Variants in CELF2 observed in about 807,000 individuals in gnomAD.
CELF2 encodes the protein CUG triplet repeat RNA-binding protein 2.
CELF2 carries 8 observed loss-of-function variants against 62.6 expected under a neutral mutation model. The observed-to-expected ratio is 0.13, with a 90% CI of 0.07 to 0.23. The LOEUF is 0.23. Among genes scored for constraint, CELF2 ranks in the 10% least tolerant of loss-of-function variants. The pLI, the probability that CELF2 is intolerant of heterozygous loss-of-function variation, is 1.00. For missense variants in CELF2, 333 were observed against 671.0 expected (o/e 0.50, Z 5.56); for synonymous variants, 258 against 250.0 (o/e 1.03, Z -0.30).
chr10:10,686,304 A>ATT, the CELF2 span, among the ~76,000 whole-genome samples: 3,314 of 36,556 alleles, frequency 0.091, 318 homozygotes, highest in East Asian at 0.32. Flanking sequence ...GGGTTTTTGG[A>ATT]TTTTTTGGGG....
chr10:11,312,344 T>C (rs936533991), intron 9 of CELF2, among the ~76,000 whole-genome samples: 1 of 152,136 alleles, frequency 6.6e-6, no homozygotes, highest in Admixed American at 6.5e-5. Flanking sequence ...AAGGAAGTGG[T>C]AAATATGTGG....
chr10:10,981,822 T>C (rs748061353), intron 2 of CELF2, among the ~76,000 whole-genome samples: 5 of 152,194 alleles, frequency 3.3e-5, no homozygotes, highest in Non-Finnish European at 5.9e-5. Context: ...ATAATATAGT[T>C]CTCATTTTAA....
chr10:10,900,519 T>C (rs2062860937), intron 1 of CELF2, among the ~76,000 whole-genome samples: 1 of 152,020 alleles, frequency 6.6e-6, no homozygotes, highest in Non-Finnish European at 1.5e-5. Context: ...TCATTCTTGA[T>C]AAAGAATCTC....
At chr10:10,904,998 T>G (rs1386156059) in intron 1 of CELF2, among the ~76,000 whole-genome samples, 1 of 152,226 alleles carries the variant, frequency 6.6e-6, no homozygotes, top group Admixed American at 6.5e-5. Context: ...TTGATCATGA[T>G]TAGCTGTGTT....
chr10:10,470,859 C>T, the CELF2 span, among the ~76,000 whole-genome samples: 1 of 151,228 alleles, frequency 6.6e-6, no homozygotes, highest in Admixed American at 6.6e-5. Flanking sequence ...CATTCTTCTA[C>T]CTTCTGTGGT....
chr10:10,657,484 C>T, the CELF2 span, among the ~76,000 whole-genome samples: 2 of 151,860 alleles, frequency 1.3e-5, no homozygotes, highest in Non-Finnish European at 2.9e-5. Context: ...TTATATGGTA[C>T]GTGAATTGTA....
At chr10:11,195,498 G>T (rs908894692) in intron 2 of CELF2, among the ~76,000 whole-genome samples, 25 of 152,328 alleles carry the variant, frequency 1.6e-4, no homozygotes, top group Non-Finnish European at 2.9e-4. Flanking sequence ...CAGGCGGATG[G>T]CAGTGCTTCT....
the CELF2 span, among the ~76,000 whole-genome samples, chr10:10,762,633 G>A: frequency 1.4e-3 from 213 of 152,296 alleles, no homozygotes; most frequent in African/African-American, 5.0e-3. Context: ...GTAGTTCTCC[G>A]GTCTCAGGCT....
At chr10:11,106,124 C>T (rs1415818187) in intron 1 of CELF2, among the ~76,000 whole-genome samples, 2 of 152,118 alleles carry the variant, frequency 1.3e-5, no homozygotes, top group South Asian at 4.1e-4. Flanking sequence ...GAAGGTATTA[C>T]CCACTTTACA....
chr10:10,975,168 A>C (rs1233847743), intron 2 of CELF2, among the ~76,000 whole-genome samples: 1 of 152,168 alleles, frequency 6.6e-6, no homozygotes, highest in Non-Finnish European at 1.5e-5. Context: ...CCCAGTCTGC[A>C]GTGCAATGGT....
the CELF2 span, among the ~76,000 whole-genome samples, chr10:10,681,678 G>A: frequency 6.6e-6 from 1 of 152,120 alleles, no homozygotes; most frequent in Non-Finnish European, 1.5e-5. Context: ...GAGGCTAACA[G>A]GCTAGATTTG....
At chr10:11,277,182 C>T (rs2086454632) in intron 8 of CELF2, among the ~76,000 whole-genome samples, 1 of 152,178 alleles carries the variant, frequency 6.6e-6, no homozygotes, top group Admixed American at 6.5e-5. Context: ...AGTATTATGG[C>T]TTGGAGTACT....
At chr10:10,695,974 A>C in the CELF2 span, among the ~76,000 whole-genome samples, 4 of 151,708 alleles carry the variant, frequency 2.6e-5, 1 homozygote, top group Non-Finnish European at 5.9e-5. Context: ...AGCTCAGAGT[A>C]ATTTGATCAT....
chr10:10,780,700 C>G, the CELF2 span, among the ~76,000 whole-genome samples: 17 of 152,174 alleles, frequency 1.1e-4, no homozygotes, highest in African/African-American at 3.9e-4. Flanking sequence ...AGGATGGTCT[C>G]CATCTCTTGA....
chr10:10,963,419 C>G (rs1322136094), intron 2 of CELF2, among the ~76,000 whole-genome samples: 1 of 152,176 alleles, frequency 6.6e-6, no homozygotes, highest in Non-Finnish European at 1.5e-5. Context: ...AGGCTGTCAT[C>G]TTTAACCTGC....
rs147961606 is a variant in CELF2 at position 11,114,033 on chromosome 10, A to G, written c.75-51453A>G. On this transcript the variant is annotated intron_variant, in intron 1 of 12. Transcript: ENST00000633077. ...TTCAATTAAAGTAGTAATTGGGCAA[A>G]AACGGCTCATAACAAATCCAATTCT... 2.5e-3 allele frequency among the ~76,000 whole-genome samples: 387 copies of G among 152,314 alleles called. 2 individuals are homozygous for G. Among genetic ancestry groups the G allele is most frequent in the African/African-American group, 8.9e-3 (370 of 41,578 alleles).
chr10:10,728,543 C>T, the CELF2 span, among the ~76,000 whole-genome samples: 1 of 151,684 alleles, frequency 6.6e-6, no homozygotes, highest in Non-Finnish European at 1.5e-5. Context: ...GCATTTGGCA[C>T]TGTGCCAGCT....
chr10:10,752,688 C>CAAAAAAA, the CELF2 span, among the ~76,000 whole-genome samples: 11 of 58,910 alleles, frequency 1.9e-4, no homozygotes, highest in South Asian at 6.3e-4. Context: ...GACTCCGTCT[C>CAAAAAAA]AAAAAAAAAA....
At chr10:11,307,052 G>C (rs371270772) in intron 9 of CELF2, among the ~76,000 whole-genome samples, 2 of 152,302 alleles carry the variant, frequency 1.3e-5, no homozygotes, top group African/African-American at 4.8e-5. Flanking sequence ...ATCACCATTG[G>C]GAGTCAGCCA....
Sources: allele counts gnomAD v4.1 joint callset (sites outside exome capture counted in the v4.1 genomes callset), GRCh38; gene constraint gnomAD v4.1.1; transcripts MANE v1.5; gene names NCBI Gene and HGNC (gene_info 2026-07-23, HGNC 2026-07-21).